LARP7: variants seen among roughly 807,000 people sequenced by gnomAD.
LARP7 encodes la-related protein 7.
In LARP7, 52 loss-of-function variants were observed where a neutral mutation model predicts 69.3. The observed-to-expected ratio is 0.75, with a 90% CI of 0.60 to 0.95. The LOEUF is 0.95. LARP7 is among the 40% of genes least tolerant of loss of function. The pLI is 0.00. For synonymous variants in LARP7, 254 were observed against 215.9 expected, an observed-to-expected ratio of 1.18 and a Z score of -1.55; for missense variants, 733 against 673.0, an observed-to-expected ratio of 1.09 and a Z score of -0.99.
At chr4:112,645,790 AAGAAGCATTG>A (rs1178299795) in intron 2 of LARP7, 5 of 348,524 alleles carry the variant, frequency 1.4e-5, no homozygotes, top group Non-Finnish European at 2.8e-5. Context: ...TTGCTGAGAT[AAGAAGCATTG>A]AGCCACCATC....
intron 10 of LARP7, 102 bp downstream of exon 10, chr4:112,650,684 AT>A: frequency 7.7e-7 from 1 of 1,297,472 alleles, no homozygotes; most frequent in Non-Finnish European, 1.0e-6. Flanking sequence ...TCAAGTTAGA[AT>A]TTGTTTCCCT....
At chr4:112,637,597 A>G (rs1196798157) in intron 1 of LARP7, 1 of 152,264 alleles carries the variant, frequency 6.6e-6, no homozygotes, top group Non-Finnish European at 1.5e-5. Context: ...GCCAGAAGAT[A>G]GCGAACGTGA....
intron 2 of LARP7, 54 bp from the exon 3 acceptor site, chr4:112,646,297 A>G (rs1471263597): frequency 1.1e-6 from 1 of 913,322 alleles, no homozygotes; most frequent in South Asian, 1.6e-5. Context: ...AATTGTACCA[A>G]ATTGAATTAA....
In LARP7 at chr4:112,644,808, G is replaced by A; in HGVS notation, c.139G>A (p.Gly47Arg). The A allele has an allele frequency of 6.2e-7, 1 of 1,608,942 alleles. No homozygotes were observed. Among genetic ancestry groups the A allele is most frequent in the Non-Finnish European group, 8.5e-7 (1 of 1,176,700 alleles). The stretch of plus-strand genomic sequence containing the variant: ...TGCTAAGCAAGTGGACTTCTGGTTT[G>A]GGGATGCAAATCTTCACAAGGATAG... ...DIAKQVDFWF[G>R]DANLHKDRFL... is the part of the protein sequence containing the mutation. Residue 47 changes from glycine to arginine, a missense_variant, in exon 2 of 13, where the codon GGG becomes AGG. By Grantham distance (125) the Gly-to-Arg change is moderately radical (BLOSUM62 -2). Transcript: ENST00000344442.
intron 1 of LARP7, among the ~76,000 whole-genome samples, chr4:112,640,040 G>A (rs1031111436): frequency 3.9e-5 from 6 of 152,182 alleles, no homozygotes; most frequent in Middle Eastern, 3.4e-3. Context: ...CTGGGTTCAA[G>A]CGATTCTCCT....
At chr4:112,652,306 CA>C (rs1349193842) in intron 10 of LARP7, among the ~76,000 whole-genome samples, 5 of 132,216 alleles carry the variant, frequency 3.8e-5, no homozygotes, top group Admixed American at 7.7e-5. Flanking sequence ...CCCCCCCCCC[CA>C]TTTAGCAATC....
chr4:112,650,438 G>A, intron 9 of LARP7, 23 bp from the exon 10 acceptor site: 1 of 1,612,628 alleles, frequency 6.2e-7, no homozygotes, highest in Non-Finnish European at 8.5e-7. Context: ...ATTTAGTCCT[G>A]GTCTTTTTCC....
At chr4:112,644,532 G>A (rs2048088946) in intron 1 of LARP7, 136 bp from the exon 2 acceptor site, 8 of 1,046,742 alleles carry the variant, frequency 7.6e-6, no homozygotes, top group Non-Finnish European at 1.0e-5. Context: ...AAAAATGAAT[G>A]TTCTTTCTGT....
chr4:112,653,704 G>T (rs1405316861), intron 11 of LARP7, among the ~76,000 whole-genome samples: 1 of 152,076 alleles, frequency 6.6e-6, no homozygotes, highest in Non-Finnish European at 1.5e-5. Context: ...GGCTGGTCTT[G>T]TCTCGAACCC....
chr4:112,649,873 G>T, intron 9 of LARP7, 187 bp downstream of exon 9: 2 of 395,542 alleles, frequency 5.1e-6, no homozygotes, highest in Non-Finnish European at 8.9e-6. Flanking sequence ...ATATTTAAAA[G>T]GCTCATTTAA....
At chr4:112,648,102 T>C in intron 8 of LARP7, 1 of 573,784 alleles carries the variant, frequency 1.7e-6, no homozygotes, top group Non-Finnish European at 3.5e-6. Context: ...AAATACAAAA[T>C]AAAGCTTAAA....
chr4:112,653,293 A>T, intron 11 of LARP7, 57 bp downstream of exon 11: 1 of 1,374,722 alleles, frequency 7.3e-7, no homozygotes, highest in South Asian at 1.6e-5. Flanking sequence ...TGTGAGTAAT[A>T]TATTTTCTGA....
chr4:112,644,545 G>C (rs2048089733), intron 1 of LARP7, 123 bp from the exon 2 acceptor site: 3 of 1,035,644 alleles, frequency 2.9e-6, no homozygotes, highest in Non-Finnish European at 3.9e-6. Context: ...CTTTCTGTTT[G>C]TCTTCTGATG....
At chr4:112,645,504 ATT>A (rs557545981) in intron 2 of LARP7, 3 of 456,076 alleles carry the variant, frequency 6.6e-6, no homozygotes, top group Non-Finnish European at 1.3e-5. Context: ...GCTCAATGTT[ATT>A]TTTTGTTTCA....
chr4:112,647,159 G>GT, intron 6 of LARP7, 32 bp downstream of exon 6: 10 of 1,596,126 alleles, frequency 6.3e-6, no homozygotes, highest in Non-Finnish European at 6.8e-6. Context: ...AATAGGTGTA[G>GT]TTGAAGTAAG....
intron 2 of LARP7, chr4:112,645,808 A>G (rs1221642253): frequency 1.2e-5 from 4 of 341,124 alleles, no homozygotes; most frequent in Middle Eastern, 1.1e-3. Flanking sequence ...TTGAGCCACC[A>G]TCCCCAGTTG....
intron 1 of LARP7, among the ~76,000 whole-genome samples, chr4:112,643,524 T>G (rs1016824197): frequency 6.6e-6 from 1 of 152,032 alleles, no homozygotes; most frequent in Non-Finnish European, 1.5e-5. Context: ...GCCCAAGAAA[T>G]AAACACTGGG....
chr4:112,640,226 A>G (rs1022240733), intron 1 of LARP7, among the ~76,000 whole-genome samples: 1 of 152,222 alleles, frequency 6.6e-6, no homozygotes, highest in Non-Finnish European at 1.5e-5. Context: ...GGCGTGAACC[A>G]CTGCACCTGG....
chr4:112,653,471 G>A (rs542881002), intron 11 of LARP7, among the ~76,000 whole-genome samples: 113 of 151,384 alleles, frequency 7.5e-4, no homozygotes, highest in African/African-American at 2.4e-3. Context: ...TACCACGCCC[G>A]GCTAATTTTT....
Sources: gnomAD v4.1 joint callset for allele counts (sites outside exome capture counted in the v4.1 genomes callset) on GRCh38, gnomAD v4.1.1 for gene constraint, MANE v1.5 for transcripts, NCBI Gene and HGNC (gene_info 2026-07-23, HGNC 2026-07-21) for gene names.